NR1H4: variants seen among roughly 807,000 people sequenced by gnomAD.
NR1H4 encodes bile acid receptor.
A neutral mutation model predicts 58.5 loss-of-function variants in NR1H4; 23 were observed. The ratio of observed to expected loss-of-function variants is 0.39; its 90% CI spans 0.28 to 0.56. The LOEUF (loss-of-function observed/expected upper bound fraction) is 0.56. NR1H4 is among the 20% of genes least tolerant of loss of function. The pLI is 0.58. For synonymous variants in NR1H4, 214 were observed against 198.0 expected, an observed-to-expected ratio of 1.08 and a Z score of -0.68; for missense variants, 487 against 576.9, an observed-to-expected ratio of 0.84 and a Z score of 1.60.
At chr12:100,505,240 A>AGATTATGG (rs1189660642) in intron 3 of NR1H4, among the ~76,000 whole-genome samples, 1 of 152,138 alleles carries the variant, frequency 6.6e-6, no homozygotes, top group Non-Finnish European at 1.5e-5. Flanking sequence ...ACTCACTGTG[A>AGATTATGG]GATTATGGGG....
At chr12:100,486,118 A>G (rs1953486446) in intron 1 of NR1H4, among the ~76,000 whole-genome samples, 1 of 152,106 alleles carries the variant, frequency 6.6e-6, no homozygotes, top group Non-Finnish European at 1.5e-5. Flanking sequence ...TCTGGGTGGT[A>G]GTGTCAGGAG....
intron 3 of NR1H4, among the ~76,000 whole-genome samples, chr12:100,494,090 C>A (rs1953660259): frequency 6.6e-6 from 1 of 152,178 alleles, no homozygotes; most frequent in South Asian, 2.1e-4. Context: ...TGCATAATAG[C>A]CCTGCTGGCA....
chr12:100,521,623 C>T (rs937923883), intron 4 of NR1H4, among the ~76,000 whole-genome samples: 6 of 151,794 alleles, frequency 4.0e-5, no homozygotes, highest in Admixed American at 3.9e-4. Context: ...TACTGCCTTT[C>T]TGAATATATT....
intron 1 of NR1H4, among the ~76,000 whole-genome samples, chr12:100,485,692 C>T (rs1953477090): frequency 6.6e-6 from 1 of 151,906 alleles, no homozygotes; most frequent in Admixed American, 6.6e-5. Context: ...GTCACCACCC[C>T]CGGCTAATTT....
intron 3 of NR1H4, among the ~76,000 whole-genome samples, chr12:100,502,014 A>C (rs1247814457): frequency 2.8e-4 from 43 of 152,360 alleles, no homozygotes. Flanking sequence ...TTCCTATTCA[A>C]TAAGCAACCC....
In NR1H4 at chr12:100,542,229, C is replaced by A. The variant is rs894784877; in HGVS notation, c.1078+1411C>A. Among the ~76,000 whole-genome samples, 3 of 152,204 alleles carry A rather than the reference C, an allele frequency of 2.0e-5. 1 individual carries two copies. The highest frequency in any genetic ancestry group is 6.8e-3 in the Middle Eastern group (2 of 294). ...GGGCATGGTAGTACGTGCCTGTAAT[C>A]CCAGTTACTCAGGAAGCTGAGGCAG... On this transcript the variant is annotated intron_variant, in intron 9 of 10. Transcript: ENST00000392986.
Position 100,537,027 on chromosome 12 carries a change from A to G in NR1H4, c.911A>G (p.Glu304Gly). 3 of 1,602,660 alleles carry G rather than the reference A, an allele frequency of 1.9e-6. No homozygotes were observed. Among genetic ancestry groups the G allele is most frequent in the Non-Finnish European group, 2.6e-6 (3 of 1,173,690 alleles). ...ACCAATCATGTACAGGTTCTTGTAGAATTCACAAAAAAGCTACCAGGTATT... is the reference window on the plus strand; with the variant it reads ...ACCAATCATGTACAGGTTCTTGTAGGATTCACAAAAAAGCTACCAGGTATT... Reference protein sequence around the residue: ...MATNHVQVLVEFTKKLPGFQT... With the variant: ...MATNHVQVLVGFTKKLPGFQT... Residue 304 changes from glutamate (E) to glycine (G), a missense_variant, in exon 8 of 11, where the codon GAA becomes GGA. By Grantham distance (98) the Glu-to-Gly change is moderately conservative. Transcript: ENST00000392986.
intron 4 of NR1H4, among the ~76,000 whole-genome samples, chr12:100,516,828 G>A (rs1954279286): frequency 6.6e-6 from 1 of 152,118 alleles, no homozygotes; most frequent in Non-Finnish European, 1.5e-5. Flanking sequence ...AATAGCTTGT[G>A]TGATGTGTTT....
intron 8 of NR1H4, among the ~76,000 whole-genome samples, chr12:100,538,960 TG>T (rs1954873402): frequency 6.6e-6 from 1 of 152,196 alleles, no homozygotes; most frequent in Non-Finnish European, 1.5e-5. Flanking sequence ...GTAAAAACTG[TG>T]GAGGAAAGAA....
chr12:100,544,112 C>A (rs534386066), intron 9 of NR1H4, among the ~76,000 whole-genome samples: 1 of 151,918 alleles, frequency 6.6e-6, no homozygotes, highest in South Asian at 2.1e-4. Flanking sequence ...ATTAGTCAGG[C>A]GTGGTGGCGG....
chr12:100,534,060 C>A (rs548908139), intron 5 of NR1H4, among the ~76,000 whole-genome samples: 1 of 152,034 alleles, frequency 6.6e-6, no homozygotes, highest in African/African-American at 2.4e-5. Context: ...CTGCGCCCGG[C>A]TAATTTTTTG....
chr12:100,510,009 A>G (rs1954066886), intron 3 of NR1H4, among the ~76,000 whole-genome samples: 1 of 152,236 alleles, frequency 6.6e-6, no homozygotes, highest in African/African-American at 2.4e-5. Context: ...ATATAGCACC[A>G]TATTGTAGAA....
chr12:100,512,885 A>C (rs190489872), intron 4 of NR1H4, among the ~76,000 whole-genome samples: 1 of 152,230 alleles, frequency 6.6e-6, no homozygotes, highest in Non-Finnish European at 1.5e-5. Flanking sequence ...CAGAGGACCC[A>C]GTCACATAAG....
At chr12:100,503,926 T>G (rs1001418082) in intron 3 of NR1H4, among the ~76,000 whole-genome samples, 1 of 152,274 alleles carries the variant, frequency 6.6e-6, no homozygotes, top group Admixed American at 6.5e-5. Flanking sequence ...GATTAGAATA[T>G]AATAGAATAG....
At chr12:100,485,434 A>T (rs965129254) in intron 1 of NR1H4, among the ~76,000 whole-genome samples, 1 of 152,182 alleles carries the variant, frequency 6.6e-6, no homozygotes, top group Non-Finnish European at 1.5e-5. Flanking sequence ...TCTTTATATC[A>T]AACTGTATGT....
intron 1 of NR1H4, among the ~76,000 whole-genome samples, chr12:100,476,570 G>A (rs1953276305): frequency 6.6e-6 from 1 of 152,204 alleles, no homozygotes; most frequent in African/African-American, 2.4e-5. Flanking sequence ...TGCATATCAT[G>A]ATGTGATAGA....
At chr12:100,487,786 A>G (rs1490450481) in intron 1 of NR1H4, among the ~76,000 whole-genome samples, 2 of 150,798 alleles carry the variant, frequency 1.3e-5, no homozygotes, top group African/African-American at 4.9e-5. Flanking sequence ...TAATTTTTAT[A>G]TTTTTAGTAA....
intron 9 of NR1H4, among the ~76,000 whole-genome samples, chr12:100,556,432 T>C (rs568257310): frequency 2.1e-5 from 3 of 145,234 alleles, no homozygotes; most frequent in East Asian, 4.0e-4. Context: ...GTGCCATTGC[T>C]CTCCAGCCTG....
chr12:100,536,399 T>G, intron 6 of NR1H4, 113 bp from the exon 7 acceptor site: 1 of 690,018 alleles, frequency 1.4e-6, no homozygotes, highest in Non-Finnish European at 2.6e-6. Flanking sequence ...GCTGTATTTA[T>G]GCCTTTTTTT....
Sources: gnomAD v4.1 joint callset for allele counts (sites outside exome capture counted in the v4.1 genomes callset) on GRCh38, gnomAD v4.1.1 for gene constraint, MANE v1.5 for transcripts, NCBI Gene and HGNC (gene_info 2026-07-23, HGNC 2026-07-21) for gene names.